Variants in ISM1 observed in about 807,000 individuals in gnomAD.
The protein encoded by ISM1 is isthmin-1.
A neutral mutation model predicts 46.3 loss-of-function variants in ISM1; 25 were observed. The ratio of observed to expected loss-of-function variants is 0.54; its 90% CI spans 0.39 to 0.75. ISM1 has a LOEUF of 0.75. Among genes scored for constraint, ISM1 ranks in the 30% least tolerant of loss-of-function variants. ISM1 has a pLI of 0.00. For synonymous variants in ISM1, 255 were observed against 256.7 expected, an observed-to-expected ratio of 0.99 and a Z score of 0.06; for missense variants, 536 against 625.4, an observed-to-expected ratio of 0.86 and a Z score of 1.52.
intron 3 of ISM1, among the ~76,000 whole-genome samples, chr20:13,284,971 T>C (rs189580109): frequency 1.3e-5 from 2 of 152,320 alleles, no homozygotes; most frequent in African/African-American, 2.4e-5. Flanking sequence ...GTATTTGTAA[T>C]AGTTAGCTTT....
chr20:13,267,476 C>T (rs751412771), intron 1 of ISM1, among the ~76,000 whole-genome samples: 1 of 152,194 alleles, frequency 6.6e-6, no homozygotes, highest in Non-Finnish European at 1.5e-5. Context: ...TGTGTAGACA[C>T]AACCCAACCC....
At chr20:13,287,174 T>C (rs749805171) in intron 3 of ISM1, among the ~76,000 whole-genome samples, 1 of 152,262 alleles carries the variant, frequency 6.6e-6, no homozygotes, top group Non-Finnish European at 1.5e-5. Flanking sequence ...GGGTAATTTA[T>C]AAAGGAAAGA....
chr20:13,260,978 C>G (rs904211137), intron 1 of ISM1, among the ~76,000 whole-genome samples: 2 of 152,154 alleles, frequency 1.3e-5, no homozygotes, highest in African/African-American at 2.4e-5. Flanking sequence ...CTGCTGCACA[C>G]GTCTCTCACC....
At chr20:13,245,437 C>T (rs191674308) in intron 1 of ISM1, 1 of 152,316 alleles carries the variant, frequency 6.6e-6, no homozygotes, top group East Asian at 1.9e-4. Flanking sequence ...AGTGACATTC[C>T]ATCATGTTTG....
In ISM1 at chr20:13,288,648, C is replaced by G; in HGVS notation, c.752C>G (p.Thr251Arg). The G allele has an allele frequency of 6.2e-7, 1 of 1,614,020 alleles. No homozygotes were observed. The highest frequency in any genetic ancestry group is 8.5e-7 in the Non-Finnish European group (1 of 1,179,880). Residue 251 changes from threonine to arginine, a missense_variant, in exon 4 of 6, where the codon ACA (threonine) becomes AGA (arginine). This residue lies in a region of ISM1 where 367 missense variants were observed against 376.1 expected (regional missense o/e 0.98). Transcript: ENST00000262487. Reference sequence around the variant, plus strand: ...TCTTGTGGCTACGCGTGCACTGCAACAGAATCGAGGACCTGTGACCGTCCA... The same window carrying G: ...TCTTGTGGCTACGCGTGCACTGCAAGAGAATCGAGGACCTGTGACCGTCCA... ...TRSCGYACTA[T>R]ESRTCDRPNC...
intron 1 of ISM1, chr20:13,244,354 G>A (rs1308549379): frequency 6.9e-6 from 1 of 144,234 alleles, no homozygotes; most frequent in Non-Finnish European, 1.5e-5. Flanking sequence ...CTGAAATATG[G>A]AGGATTACCA....
chr20:13,265,883 G>T lies in ISM1; in HGVS notation c.139-4621G>T, dbSNP rs1466826516. 3.9e-5 allele frequency among the ~76,000 whole-genome samples: 6 copies of T among 152,098 alleles called. No homozygotes were observed. The East Asian group carries it at 1.2e-3, about 29-fold the overall frequency. ...TCACCATTCCAGGACCAGCGTGATA[G>T]CTCCATAATACTATCAGGGACCTAA... is the stretch of plus-strand genomic sequence containing the variant. On this transcript the variant is annotated intron_variant, in intron 1 of 5. Coordinates refer to ENST00000262487, the MANE Select transcript of ISM1 (RefSeq NM_080826.2).
chr20:13,299,618 A>T lies in ISM1; in HGVS notation c.*159A>T. On this transcript the variant is annotated 3_prime_UTR_variant, in exon 6 of 6. Coordinates refer to ENST00000262487, the MANE Select transcript of ISM1 (RefSeq NM_080826.2). The surrounding 1 kb of genome is among the most constrained non-coding windows in gnomAD (Gnocchi z 5.8). Reference sequence around the variant, plus strand: ...ATACATTACGCTAGGGGCGTGTGCCACGCCCAGGGGACTGCCTTGTGAAGC... The same window carrying T: ...ATACATTACGCTAGGGGCGTGTGCCTCGCCCAGGGGACTGCCTTGTGAAGC... 1.4e-6 allele frequency: 1 copy of T among 732,498 alleles called. No homozygotes were observed. The highest frequency in any genetic ancestry group is 2.1e-5 in the South Asian group (1 of 46,584). The allele number at this position is 732,498 out of a possible 1,614,324, so 45.4% of individuals were successfully genotyped here.
At chr20:13,306,564 C>CAAAAAAAAAAAAAAAAAAAAAAAGAAA in the ISM1 span, among the ~76,000 whole-genome samples, 7 of 63,908 alleles carry the variant, frequency 1.1e-4, no homozygotes, top group Admixed American at 2.2e-4. Context: ...GGAGAAAGGA[C>CAAAAAAAAAAAAAAAAAAAAAAAGAAA]AAAAAAAAAA....
At chr20:13,229,609 G>A (rs1341643285) in intron 1 of ISM1, among the ~76,000 whole-genome samples, 4 of 152,134 alleles carry the variant, frequency 2.6e-5, no homozygotes, top group African/African-American at 9.7e-5. Flanking sequence ...CATATTATGA[G>A]TAAGACCATG....
At chr20:13,236,250 CAG>C (rs1287035318) in intron 1 of ISM1, among the ~76,000 whole-genome samples, 6 of 152,122 alleles carry the variant, frequency 3.9e-5, no homozygotes, top group Non-Finnish European at 8.8e-5. Flanking sequence ...AGGACCTGCT[CAG>C]AGTTACAATT....
At chr20:13,322,143 C>T in the ISM1 span, among the ~76,000 whole-genome samples, 1 of 152,186 alleles carries the variant, frequency 6.6e-6, no homozygotes, top group South Asian at 2.1e-4. Flanking sequence ...TAAAGAGATT[C>T]TCCTCCTGAA....
rs118178288 is a variant in ISM1 at position 13,294,084 on chromosome 20, G to A, written c.877+1621G>A. On this transcript the variant is annotated intron_variant, in intron 5 of 5. Coordinates refer to ENST00000262487, the MANE Select transcript of ISM1 (RefSeq NM_080826.2). ...AATGAAAAGCTTTATCCAAAGGGTCGGCCATGATGTGGCCGCCATGGAATG... is the reference window on the plus strand; with the variant it reads ...AATGAAAAGCTTTATCCAAAGGGTCAGCCATGATGTGGCCGCCATGGAATG... 1.1e-3 allele frequency among the ~76,000 whole-genome samples: 171 copies of A among 152,294 alleles called. 3 individuals carry two copies. The East Asian group carries it at 0.028, about 25-fold the overall frequency.
chr20:13,288,599 A>T lies in ISM1; in HGVS notation c.703A>T (p.Asn235Tyr). ...GTCTGTCTGCAGCGTCACCTGCGGG[A>T]ACGGCAACCAGAAACGGACCCGGTC... is the stretch of plus-strand genomic sequence containing the variant. The part of the protein sequence containing the change: ...LWSVCSVTCG[N>Y]GNQKRTRSCG... The change falls in exon 4 of 6, where the codon AAC becomes TAC. Residue 235 changes from asparagine (N) to tyrosine (Y), a missense_variant. Asn to Tyr is a moderately radical substitution (Grantham distance 143). This residue lies in a region of ISM1 where 367 missense variants were observed against 376.1 expected (regional missense o/e 0.98). Coordinates refer to ENST00000262487, the MANE Select transcript of ISM1 (RefSeq NM_080826.2). 6.2e-7 allele frequency: 1 copy of T among 1,613,878 alleles called. No individual in the cohort carries two copies. The highest frequency in any genetic ancestry group is 8.5e-7 in the Non-Finnish European group (1 of 1,179,854).
intron 1 of ISM1, among the ~76,000 whole-genome samples, chr20:13,264,540 A>G (rs1008898727): frequency 2.0e-5 from 3 of 152,202 alleles, no homozygotes; most frequent in Non-Finnish European, 4.4e-5. Flanking sequence ...TTGGTTGTCC[A>G]AAAAACCTCA....
chr20:13,292,270 A>G lies in ISM1; in HGVS notation c.788-104A>G, dbSNP rs2040361606. On this transcript the variant is annotated intron_variant, in intron 4 of 5. Coordinates refer to ENST00000262487, the MANE Select transcript of ISM1 (RefSeq NM_080826.2). ...TTTCTGCCCGTGAGTAGTAATGAAT[A>G]CAAAAAAGGCTTTGTTCAGGTGTAT... 11 of 716,440 alleles carry G rather than the reference A, an allele frequency of 1.5e-5. No homozygotes were observed. The South Asian group carries it at 1.9e-4, about 13-fold the overall frequency. The allele number at this position is 716,440 out of a possible 1,614,324, so 44.4% of individuals were successfully genotyped here. A position where few individuals can be genotyped will look rare whatever the true frequency, so the allele number is the denominator to read the frequency against.
At chr20:13,295,085 A>ACAC (rs1392890544) in intron 5 of ISM1, among the ~76,000 whole-genome samples, 8 of 152,104 alleles carry the variant, frequency 5.3e-5, no homozygotes, top group African/African-American at 1.7e-4. Context: ...ATTTCCACCC[A>ACAC]CACCACCACC....
At position 13,221,720 on chromosome 20, in the gene ISM1, T is replaced by C. The variant is rs56184254; in HGVS notation, c.-57T>C. 39,375 of 1,322,310 alleles carry C rather than the reference T, an allele frequency of 0.03. 682 individuals are homozygous for C. The highest frequency in any genetic ancestry group is 0.034 in the Non-Finnish European group (35,449 of 1,037,386). The allele number at this position is 1,322,310 out of a possible 1,614,324, so 81.9% of individuals were successfully genotyped here. On this transcript the variant is annotated 5_prime_UTR_variant, in exon 1 of 6. Coordinates refer to ENST00000262487, the MANE Select transcript of ISM1 (RefSeq NM_080826.2). ...GGCTCCTACTCCTCCTCCCCCGGCG[T>C]CACCGCCGCCGCCGCCGGCCGCCGC...
chr20:13,305,485 G>A (rs1357757671), downstream of ISM1, among the ~76,000 whole-genome samples: 10 of 152,126 alleles, frequency 6.6e-5, no homozygotes, highest in African/African-American at 1.2e-4. Context: ...GGATTAGGGC[G>A]GAGTTCTCTG....
Sources: gnomAD v4.1 joint callset for allele counts (sites outside exome capture counted in the v4.1 genomes callset) on GRCh38, gnomAD v4.1.1 for gene constraint, gnomAD v4.1.1 regional missense constraint, Gnocchi (gnomAD v3.1) non-coding constraint, MANE v1.5 for transcripts, NCBI Gene and HGNC (gene_info 2026-07-23, HGNC 2026-07-21) for gene names.